FOCAD: variants seen among roughly 807,000 people sequenced by gnomAD.
FOCAD encodes KIAA1797.
In FOCAD, 198 loss-of-function variants were observed where a neutral mutation model predicts 225.6. The ratio of observed to expected loss-of-function variants is 0.88; its 90% confidence interval spans 0.78 to 0.99. The LOEUF (loss-of-function observed/expected upper bound fraction) is 0.99. Among genes scored for constraint, FOCAD ranks in the 50% least tolerant of loss-of-function variants. The pLI is 0.00. For missense variants in FOCAD, 2,713 were observed against 2,123.6 expected (o/e 1.28, Z -5.46); for synonymous variants, 897 against 755.0 (o/e 1.19, Z -3.08).
chr9:20,761,742 C>T (rs1421677442), intron 6 of FOCAD, among the ~76,000 whole-genome samples: 1 of 152,072 alleles, frequency 6.6e-6, no homozygotes, highest in African/African-American at 2.4e-5. Flanking sequence ...TTTTTACTCT[C>T]TCTCTAGGTC....
chr9:20,991,451 T>C (rs1564254732), intron 42 of FOCAD, among the ~76,000 whole-genome samples: 1 of 152,178 alleles, frequency 6.6e-6, no homozygotes, highest in Non-Finnish European at 1.5e-5. Flanking sequence ...TAAAATGCCT[T>C]TTATTTTTCT....
At chr9:20,684,126 G>T (rs1007047147), upstream of FOCAD, 1 of 152,300 alleles carries the variant, frequency 6.6e-6, no homozygotes, top group Non-Finnish European at 1.5e-5. Flanking sequence ...TTAGACGCGC[G>T]TGCGCGCGAG....
chr9:20,976,559 T>C lies in FOCAD; in HGVS notation c.4261+11T>C. On this transcript the variant is annotated intron_variant, in intron 36 of 43. Transcript: ENST00000338382. The stretch of plus-strand genomic sequence containing the variant: ...TGAGGCTAAATTTTGGTAAATATCA[T>C]GTGTTTTTAAGTCTTCAGACTTTGA... 5 of 1,611,828 alleles carry C rather than the reference T, an allele frequency of 3.1e-6. No homozygotes were observed. The highest frequency in any genetic ancestry group is 4.2e-6 in the Non-Finnish European group (5 of 1,178,332).
intron 21 of FOCAD, among the ~76,000 whole-genome samples, chr9:20,906,652 T>C (rs1290588579): frequency 1.3e-5 from 2 of 152,106 alleles, no homozygotes; most frequent in East Asian, 3.9e-4. Context: ...CTGTGTGCAG[T>C]ACTCATTTGC....
At chr9:20,885,392 A>G in intron 21 of FOCAD, 162 bp downstream of exon 21, 3 of 564,750 alleles carry the variant, frequency 5.3e-6, no homozygotes, top group East Asian at 4.2e-5. Flanking sequence ...AAATATTTCA[A>G]TGTATTTCTG....
At chr9:20,781,703 G>A (rs1043213512) in intron 9 of FOCAD, 24 bp from the exon 10 acceptor site, 3 of 1,605,538 alleles carry the variant, frequency 1.9e-6, no homozygotes, top group African/African-American at 1.3e-5. Context: ...TTTTAAAAAT[G>A]TGCATTATTG....
chr9:20,931,159 TATG>T (rs1275255357), intron 27 of FOCAD, among the ~76,000 whole-genome samples: 1 of 152,160 alleles, frequency 6.6e-6, no homozygotes, highest in Non-Finnish European at 1.5e-5. Context: ...TGGAGAAACC[TATG>T]ATGATTCCCC....
At chr9:20,810,693 T>C (rs919079742) in intron 11 of FOCAD, among the ~76,000 whole-genome samples, 3 of 152,102 alleles carry the variant, frequency 2.0e-5, no homozygotes, top group African/African-American at 7.2e-5. Flanking sequence ...GTTTTTCTTA[T>C]ACTGTTTTCT....
At chr9:20,922,523 A>C (rs1359106162) in intron 24 of FOCAD, among the ~76,000 whole-genome samples, 1 of 152,230 alleles carries the variant, frequency 6.6e-6, no homozygotes, top group African/African-American at 2.4e-5. Flanking sequence ...CATGTGCGCC[A>C]GCAATTTAAT....
intron 34 of FOCAD, chr9:20,952,389 T>C (rs1007904602): frequency 6.6e-6 from 1 of 152,174 alleles, no homozygotes; most frequent in African/African-American, 2.4e-5. Context: ...TATGGGAAAC[T>C]GGAAGGAAAA....
chr9:20,700,092 A>G (rs1563889675), intron 1 of FOCAD, among the ~76,000 whole-genome samples: 1 of 151,864 alleles, frequency 6.6e-6, no homozygotes, highest in African/African-American at 2.4e-5. Flanking sequence ...ATAAGTAAAA[A>G]CAGCCATGAG....
intron 28 of FOCAD, among the ~76,000 whole-genome samples, chr9:20,937,571 A>C (rs1289459762): frequency 5.9e-5 from 9 of 152,024 alleles, no homozygotes; most frequent in Non-Finnish European, 1.5e-5. Flanking sequence ...CTTATACAAA[A>C]ATTAATTCAA....
At chr9:20,789,299 G>C (rs1170783513) in intron 10 of FOCAD, 52 bp from the exon 11 acceptor site, 5 of 1,569,906 alleles carry the variant, frequency 3.2e-6, no homozygotes, top group South Asian at 2.3e-5. Context: ...ACATATTTCT[G>C]ACAAATATAT....
At chr9:20,831,745 G>A (rs1825513502) in intron 15 of FOCAD, among the ~76,000 whole-genome samples, 1 of 151,922 alleles carries the variant, frequency 6.6e-6, no homozygotes, top group Non-Finnish European at 1.5e-5. Flanking sequence ...TATCTATAGT[G>A]CATAATTTAG....
Position 20,995,622 on chromosome 9 carries a change from G to GT in FOCAD, c.5401dup (p.Trp1801LeufsTer20). On this transcript the variant is annotated frameshift_variant, in exon 44 of 44. Coordinates refer to ENST00000338382, the MANE Select transcript of FOCAD (RefSeq NM_001375567.1). LOFTEE classifies it high-confidence loss of function. ...AAAGCTGTATGGACCAGAGCATATG[G>GT]TTGGTGAACAGTTTTGCAGTAACCA... 1 of 1,612,436 alleles carries GT rather than the reference G, an allele frequency of 6.2e-7. No individual in the cohort carries two copies. The highest frequency in any genetic ancestry group is 8.5e-7 in the Non-Finnish European group (1 of 1,178,656).
At chr9:20,841,053 G>A (rs1296494906) in intron 15 of FOCAD, among the ~76,000 whole-genome samples, 1 of 151,848 alleles carries the variant, frequency 6.6e-6, no homozygotes, top group African/African-American at 2.4e-5. Context: ...TGAACCATCT[G>A]TGCATTCCTG....
intron 10 of FOCAD, among the ~76,000 whole-genome samples, chr9:20,786,577 C>G (rs1819944397): frequency 6.6e-6 from 1 of 152,156 alleles, no homozygotes; most frequent in Non-Finnish European, 1.5e-5. Flanking sequence ...GTTCCTATAT[C>G]CACTCTACTT....
chr9:20,969,148 G>A (rs1165599422), intron 35 of FOCAD, among the ~76,000 whole-genome samples: 1 of 152,058 alleles, frequency 6.6e-6, no homozygotes, highest in East Asian at 1.9e-4. Context: ...TATGGTTTTA[G>A]TCTTTTAAAA....
chr9:20,753,750 A>G (rs1828787244), intron 5 of FOCAD, among the ~76,000 whole-genome samples: 1 of 151,948 alleles, frequency 6.6e-6, no homozygotes, highest in South Asian at 2.1e-4. Context: ...CATAACAGTA[A>G]ATGATTATGA....
Sources: allele counts gnomAD v4.1 joint callset (sites outside exome capture counted in the v4.1 genomes callset), GRCh38; gene constraint gnomAD v4.1.1; transcripts MANE v1.5; gene names NCBI Gene and HGNC (gene_info 2026-07-23, HGNC 2026-07-21).